ANKFN1: variants seen among roughly 807,000 people sequenced by gnomAD.
ANKFN1 encodes the protein ankyrin repeat and fibronectin type III domain containing 1, also known as ankyrin repeat and fibronectin type-III domain-containing protein 1.
Under a neutral mutation model 108.7 loss-of-function variants are expected in ANKFN1, and 74 were observed. The ratio of observed to expected loss-of-function variants is 0.68; its 90% CI spans 0.56 to 0.83. ANKFN1 has a LOEUF of 0.83. Ranked by LOEUF, ANKFN1 falls within the 40% of genes least tolerant of loss-of-function variation. ANKFN1 has a pLI of 0.00. For synonymous variants in ANKFN1, 547 were observed against 516.2 expected (o/e 1.06, Z -0.81); for missense variants, 1,505 against 1,382.3 (o/e 1.09, Z -1.41).
intron 4 of ANKFN1, among the ~76,000 whole-genome samples, chr17:56,102,172 T>A (rs1009071533): frequency 1.3e-5 from 2 of 152,204 alleles, no homozygotes; most frequent in Non-Finnish European, 2.9e-5. Context: ...TTTTTACATA[T>A]TAACAGACAG....
chr17:56,069,132 T>C (rs1349728201), intron 4 of ANKFN1, among the ~76,000 whole-genome samples: 1 of 152,120 alleles, frequency 6.6e-6, no homozygotes. Context: ...AGGCCAACCA[T>C]GAAAATGTTT....
intron 4 of ANKFN1, among the ~76,000 whole-genome samples, chr17:56,101,051 T>C (rs1905637423): frequency 3.9e-5 from 6 of 152,100 alleles, no homozygotes. Context: ...GGGATCCACC[T>C]GCACCCCCAC....
Position 56,374,700 on chromosome 17 carries a change from T to C in ANKFN1, c.896T>C (p.Val299Ala), listed in dbSNP as rs1555639432. ...CCTCTTAGCGTCAATGCAGCTGTAG[T>C]AACCAGGTATAAAGGTACTGGACCC... ...QEPLSVNAAV[V>A]TRYKVEWSMS... Residue 299 changes from valine (V) to alanine (A), a missense_variant, in exon 8 of 21, where the codon GTA becomes GCA. Physicochemically the swap from Val to Ala is moderately conservative, Grantham distance 64. Coordinates refer to ENST00000682825, the MANE Select transcript of ANKFN1 (RefSeq NM_001370326.1). The C allele has an allele frequency of 6.2e-7, 1 of 1,612,966 alleles. No homozygotes were observed. The highest frequency in any genetic ancestry group is 8.5e-7 in the Non-Finnish European group (1 of 1,178,992).
intron 8 of ANKFN1, among the ~76,000 whole-genome samples, chr17:56,384,489 G>A (rs563706361): frequency 6.6e-6 from 1 of 152,268 alleles, no homozygotes; most frequent in African/African-American, 2.4e-5. Context: ...CAATTAGGCA[G>A]GAGAAGGAAA....
Position 56,095,628 on chromosome 17 carries a change from C to G in ANKFN1, c.288+49303C>G, listed in dbSNP as rs963373876. ...GAATGCTTTAATTTGGATGAGGTGT[C>G]CTAGAGAGCTAGCGAAGCTATACAG... On this transcript the variant is annotated intron_variant, in intron 4 of 12. Transcript: ENST00000635860. Among the ~76,000 whole-genome samples the G allele has an allele frequency of 3.3e-5, 5 of 152,120 alleles. No homozygotes were observed. The East Asian group carries it at 9.6e-4, about 29-fold the overall frequency.
At chr17:56,108,995 A>G (rs1398051916) in intron 4 of ANKFN1, among the ~76,000 whole-genome samples, 1 of 152,202 alleles carries the variant, frequency 6.6e-6, no homozygotes, top group African/African-American at 2.4e-5. Flanking sequence ...TTGGTTAATC[A>G]TTAATAGAGT....
chr17:56,139,276 T>G (rs1907778020), intron 4 of ANKFN1, among the ~76,000 whole-genome samples: 1 of 152,170 alleles, frequency 6.6e-6, no homozygotes, highest in African/African-American at 2.4e-5. Flanking sequence ...CAGGTTAACT[T>G]CATTTGCCTT....
In ANKFN1 at chr17:56,450,859, G is replaced by A. The variant is rs1356676306; in HGVS notation, c.1207+1673G>A. The stretch of plus-strand genomic sequence containing the variant: ...ATTCATGCTCTCCCCATTACCACTG[G>A]ATTCCTATCTAATAATCAAAAAATG... On this transcript the variant is annotated intron_variant, in intron 11 of 20. Transcript: ENST00000682825. 2.0e-5 allele frequency among the ~76,000 whole-genome samples: 3 copies of A among 152,042 alleles called. No individual in the cohort carries two copies. In the East Asian group the frequency reaches 5.8e-4, roughly 29 times the overall value.
intron 1 of ANKFN1, among the ~76,000 whole-genome samples, chr17:56,156,386 C>G (rs1293954765): frequency 6.6e-6 from 1 of 152,190 alleles, no homozygotes; most frequent in Non-Finnish European, 1.5e-5. Context: ...CCACGCCCAG[C>G]CTGTTTCCTC....
chr17:56,431,411 G>A (rs974675960), intron 8 of ANKFN1, among the ~76,000 whole-genome samples: 3 of 152,158 alleles, frequency 2.0e-5, no homozygotes, highest in African/African-American at 7.2e-5. Flanking sequence ...TAAATGCAGG[G>A]AATAATATGA....
intron 11 of ANKFN1, among the ~76,000 whole-genome samples, chr17:56,455,374 A>G (rs2049649116): frequency 6.6e-6 from 1 of 152,248 alleles, no homozygotes; most frequent in Admixed American, 6.5e-5. Context: ...TGTTCAAGTC[A>G]GAAAAAAGAA....
chr17:56,222,335 C>G (rs1201510870), intron 2 of ANKFN1, among the ~76,000 whole-genome samples: 1 of 152,126 alleles, frequency 6.6e-6, no homozygotes, highest in Non-Finnish European at 1.5e-5. Flanking sequence ...TTAGGAGACC[C>G]CAAAAGCCTG....
chr17:56,340,818 T>C (rs2045940962), intron 4 of ANKFN1, among the ~76,000 whole-genome samples: 1 of 152,116 alleles, frequency 6.6e-6, no homozygotes, highest in East Asian at 1.9e-4. Context: ...AATTTTAAAA[T>C]AGTTTTTGCT....
At chr17:56,474,366 T>C (rs1568032114) in intron 15 of ANKFN1, among the ~76,000 whole-genome samples, 1 of 152,224 alleles carries the variant, frequency 6.6e-6, no homozygotes, top group Non-Finnish European at 1.5e-5. Flanking sequence ...TCTTGTTCTA[T>C]TGCTATAATA....
chr17:56,406,965 G>A (rs1018282863), intron 8 of ANKFN1, among the ~76,000 whole-genome samples: 2 of 152,158 alleles, frequency 1.3e-5, no homozygotes, highest in African/African-American at 4.8e-5. Flanking sequence ...GATCTGTAAT[G>A]GATGCTAATT....
intron 4 of ANKFN1, among the ~76,000 whole-genome samples, chr17:56,122,499 G>C (rs1170278275): frequency 6.6e-6 from 1 of 152,070 alleles, no homozygotes; most frequent in Non-Finnish European, 1.5e-5. Flanking sequence ...GTATACACAG[G>C]ATGTTAATAA....
chr17:56,445,260 ACCCCACT>A (rs907770035), intron 10 of ANKFN1, among the ~76,000 whole-genome samples: 36 of 152,130 alleles, frequency 2.4e-4, no homozygotes, highest in African/African-American at 8.7e-4. Context: ...TGTCTGGGGA[ACCCCACT>A]CCAAATGCAA....
rs1465736529 is a variant in ANKFN1, at chr17:56,423,057, T to G, written c.911-17270T>G. On this transcript the variant is annotated intron_variant, in intron 8 of 20. Transcript: ENST00000682825. ...TGTCAACACCATCCAGCAATTATTC[T>G]GAGGAGATTCCTTTTAGTAACTAAA... is the stretch of plus-strand genomic sequence containing the variant. 5.9e-5 allele frequency among the ~76,000 whole-genome samples: 9 copies of G among 152,220 alleles called. No homozygotes were observed. In the East Asian group the frequency reaches 1.2e-3, roughly 20 times the overall value.
intron 4 of ANKFN1, among the ~76,000 whole-genome samples, chr17:56,334,167 G>A (rs1375081256): frequency 2.0e-5 from 3 of 152,030 alleles, no homozygotes; most frequent in Non-Finnish European, 2.9e-5. Flanking sequence ...GAGTATAGAT[G>A]GATCTCAAAA....
Sources: gnomAD v4.1 joint callset for allele counts (sites outside exome capture counted in the v4.1 genomes callset) on GRCh38, gnomAD v4.1.1 for gene constraint, MANE v1.5 for transcripts, NCBI Gene and HGNC (gene_info 2026-07-23, HGNC 2026-07-21) for gene names.